The following ADGRG2 variants were observed in gnomAD, a reference collection of about 807,000 sequenced individuals.
The protein encoded by ADGRG2 is adhesion G protein-coupled receptor G2, also known as G protein-coupled receptor 64.
A neutral mutation model predicts 74.1 loss-of-function variants in ADGRG2; 26 were observed. That is an observed-to-expected ratio of 0.35 (90% CI 0.26 to 0.49). The LOEUF is 0.49. ADGRG2 is among the 20% of genes least tolerant of loss of function. The pLI, the probability that ADGRG2 is intolerant of heterozygous loss-of-function variation, is 0.99. For synonymous variants in ADGRG2, 296 were observed against 295.2 expected (o/e 1.00, Z -0.03); for missense variants, 619 against 763.1 (o/e 0.81, Z 2.22).
At chrX:19,029,755 C>T (rs897680408) in intron 9 of ADGRG2, among the ~76,000 whole-genome samples, 1 of 109,591 alleles carries the variant, frequency 9.1e-6, no homozygotes, top group African/African-American at 3.3e-5. Context: ...AGACACAACA[C>T]TGAACTAGAC....
At chrX:19,098,084 G>A (rs1199101054) in intron 1 of ADGRG2, among the ~76,000 whole-genome samples, 1 of 112,684 alleles carries the variant, frequency 8.9e-6, no homozygotes, top group African/African-American at 3.2e-5. Context: ...TTTGGCAGGC[G>A]CCAGGCCAAT....
At chrX:18,992,905 A>G (rs2059947681) in intron 28 of ADGRG2, among the ~76,000 whole-genome samples, 1 of 111,881 alleles carries the variant, frequency 8.9e-6, no homozygotes, top group Non-Finnish European at 1.9e-5. Context: ...AATATGGACA[A>G]ATCTGGTTTA....
At chrX:19,014,867 C>T (rs1235360043) in intron 15 of ADGRG2, among the ~76,000 whole-genome samples, 4 of 111,438 alleles carry the variant, frequency 3.6e-5, no homozygotes, top group East Asian at 5.7e-4. Flanking sequence ...TCCTGACCTC[C>T]GATGATCTGC....
chrX:19,006,753 ATTTTTTT>A (rs35276629), intron 20 of ADGRG2, among the ~76,000 whole-genome samples: 7 of 81,824 alleles, frequency 8.6e-5, no homozygotes, highest in African/African-American at 1.7e-4. Flanking sequence ...TAGGTGGTCA[ATTTTTTT>A]TTTTTTTTTT....
At chrX:19,044,616 G>C (rs1417365531) in intron 3 of ADGRG2, among the ~76,000 whole-genome samples, 1 of 111,037 alleles carries the variant, frequency 9.0e-6, no homozygotes, top group African/African-American at 3.3e-5. Flanking sequence ...ATCCTACAGG[G>C]GTCAAGTGAA....
intron 14 of ADGRG2, among the ~76,000 whole-genome samples, chrX:19,020,750 C>T (rs750607262): frequency 4.8e-4 from 53 of 111,081 alleles, no homozygotes; most frequent in African/African-American, 4.3e-4. Flanking sequence ...TCACTTGAGC[C>T]GAGGAGTTCA....
intron 3 of ADGRG2, among the ~76,000 whole-genome samples, chrX:19,066,445 CTTTTTTTTTT>C (rs1225489257): frequency 1.1e-3 from 43 of 39,943 alleles, no homozygotes; most frequent in African/African-American, 4.5e-3. Context: ...GAGGATGCTT[CTTTTTTTTTT>C]TTTTTTTTTT....
Position 19,077,701 on chromosome X carries a change from T to G in ADGRG2, c.-2+5001A>C, listed in dbSNP as rs1333527648. On this transcript the variant is annotated intron_variant, in intron 2 of 28. Transcript: ENST00000379869. ...GTAAAGAGATGGAAAAGATATGCTA[T>G]GCCCACACTAATCAAAAGAAAATTA... Among the ~76,000 whole-genome samples the G allele has an allele frequency of 2.7e-5, 3 of 111,809 alleles. No individual in the cohort carries two copies. In the East Asian group the frequency reaches 8.3e-4, roughly 31 times the overall value.
intron 3 of ADGRG2, among the ~76,000 whole-genome samples, chrX:19,063,683 G>A (rs2061522181): frequency 8.9e-6 from 1 of 111,995 alleles, no homozygotes; most frequent in South Asian, 3.7e-4. Context: ...ACACTGCAAG[G>A]ACTCACAGTA....
intron 3 of ADGRG2, among the ~76,000 whole-genome samples, chrX:19,065,789 G>A (rs758663645): frequency 8.1e-5 from 9 of 111,582 alleles, no homozygotes; most frequent in Non-Finnish European, 1.7e-4. Flanking sequence ...GTTTTGCCCT[G>A]CCAAGCCCAC....
intron 3 of ADGRG2, among the ~76,000 whole-genome samples, chrX:19,063,144 C>T (rs763788170): frequency 8.0e-4 from 90 of 111,845 alleles, no homozygotes; most frequent in Non-Finnish European, 1.3e-3. Context: ...GGTCCACGGG[C>T]TCTCTCTGTT....
chrX:19,106,471 CA>C (rs965804391), intron 1 of ADGRG2, among the ~76,000 whole-genome samples: 1 of 107,311 alleles, frequency 9.3e-6, no homozygotes, highest in Admixed American at 9.9e-5. Flanking sequence ...TTCTCCATGT[CA>C]GTATCTGGGA....
intron 1 of ADGRG2, among the ~76,000 whole-genome samples, chrX:19,112,671 G>A (rs1395615448): frequency 1.9e-5 from 2 of 106,082 alleles, no homozygotes; most frequent in Non-Finnish European, 3.8e-5. Flanking sequence ...AAAAAAGGCC[G>A]GGTAAGGTGG....
chrX:19,005,554 C>CTT (rs72423142), intron 22 of ADGRG2, among the ~76,000 whole-genome samples: 27 of 95,607 alleles, frequency 2.8e-4, no homozygotes, highest in African/African-American at 2.8e-4. Context: ...ATCTCTCTCT[C>CTT]TTTTTTTTTT....
At chrX:19,051,231 C>T (rs988549283) in intron 3 of ADGRG2, among the ~76,000 whole-genome samples, 1 of 111,464 alleles carries the variant, frequency 9.0e-6, no homozygotes, top group African/African-American at 3.3e-5. Flanking sequence ...CCCACCACCA[C>T]GCCCGGCTAA....
At chrX:19,086,936 G>T (rs1367711452) in intron 1 of ADGRG2, among the ~76,000 whole-genome samples, 1 of 111,420 alleles carries the variant, frequency 9.0e-6, no homozygotes. Flanking sequence ...GATACATCGG[G>T]ATGGGGCCAG....
At position 19,104,916 on chromosome X, in the gene ADGRG2, CAAAA is replaced by C. The variant is rs1001242331; in HGVS notation, c.-47+17522_-47+17525del. Among the ~76,000 whole-genome samples the C allele has an allele frequency of 4.3e-4, 10 of 23,368 alleles. No homozygotes were observed. In the East Asian group the frequency reaches 6.3e-3, roughly 15 times the overall value. 20.3% of individuals were successfully genotyped at this position (23,368 alleles called of 115,157 possible). ...TAGGTGATAGAGCGAGACTCTGTCT[CAAAA>C]AAAAAAAAAAAAAAAAAAAAAGTAA... On this transcript the variant is annotated intron_variant, in intron 1 of 28. Transcript: ENST00000379869.
chrX:19,122,101 T>C (rs1282919241), intron 1 of ADGRG2, among the ~76,000 whole-genome samples: 2 of 112,408 alleles, frequency 1.8e-5, no homozygotes, highest in Non-Finnish European at 3.8e-5. Flanking sequence ...CGAGTCAGGC[T>C]CGTGGCTCAG....
At chrX:19,109,041 A>AAAG (rs976942409) in intron 1 of ADGRG2, among the ~76,000 whole-genome samples, 1 of 110,706 alleles carries the variant, frequency 9.0e-6, no homozygotes, top group Non-Finnish European at 1.9e-5. Context: ...CCATCTCAAA[A>AAAG]AAGAAGAAGA....
Sources: gnomAD v4.1 joint callset for allele counts (sites outside exome capture counted in the v4.1 genomes callset) on GRCh38, gnomAD v4.1.1 for gene constraint, MANE v1.5 for transcripts, NCBI Gene and HGNC (gene_info 2026-07-23, HGNC 2026-07-21) for gene names.